Variants in CSMD1 observed in about 807,000 individuals in gnomAD.
CSMD1 encodes the protein CUB and Sushi multiple domains 1.
A neutral mutation model predicts 417.5 loss-of-function variants in CSMD1; 213 were observed. That is an observed-to-expected ratio of 0.51 (90% CI 0.46 to 0.57). CSMD1 has a LOEUF of 0.57. CSMD1 is among the 20% of genes least tolerant of loss of function. CSMD1 has a pLI of 0.00. For synonymous variants in CSMD1, 2,862 were observed against 1,736.8 expected, an observed-to-expected ratio of 1.65 and a Z score of -16.11; for missense variants, 6,923 against 4,529.7, an observed-to-expected ratio of 1.53 and a Z score of -15.17.
intron 3 of CSMD1, among the ~76,000 whole-genome samples, chr8:4,107,351 C>A (rs985250800): frequency 6.6e-6 from 1 of 152,210 alleles, no homozygotes. Context: ...AAGCTCCTTA[C>A]AAAGCCACCT....
At chr8:4,481,985 T>C (rs946601740) in intron 2 of CSMD1, among the ~76,000 whole-genome samples, 1 of 152,144 alleles carries the variant, frequency 6.6e-6, no homozygotes, top group African/African-American at 2.4e-5. Flanking sequence ...TTATATAGGC[T>C]TTATCAGTAC....
At chr8:4,538,515 T>C (rs1228346398) in intron 2 of CSMD1, among the ~76,000 whole-genome samples, 1 of 151,928 alleles carries the variant, frequency 6.6e-6, no homozygotes, top group Non-Finnish European at 1.5e-5. Flanking sequence ...TGGTGGCAGG[T>C]GCCTGTAATC....
At chr8:4,074,428 C>A (rs566315521) in intron 3 of CSMD1, among the ~76,000 whole-genome samples, 2 of 152,102 alleles carry the variant, frequency 1.3e-5, no homozygotes, top group East Asian at 3.9e-4. Flanking sequence ...GTTTTTTGTA[C>A]ATGATTATTT....
At chr8:3,860,363 T>C (rs766339480) in intron 5 of CSMD1, among the ~76,000 whole-genome samples, 1 of 152,228 alleles carries the variant, frequency 6.6e-6, no homozygotes, top group Non-Finnish European at 1.5e-5. Context: ...AGTTCATTTT[T>C]ATTTTATGAT....
At chr8:4,692,520 C>A (rs190674769) in intron 1 of CSMD1, among the ~76,000 whole-genome samples, 1 of 151,962 alleles carries the variant, frequency 6.6e-6, no homozygotes, top group Non-Finnish European at 1.5e-5. Flanking sequence ...GACATAATGT[C>A]TGAGTTAAGG....
At chr8:3,168,949 A>G (rs1820411179) in intron 37 of CSMD1, among the ~76,000 whole-genome samples, 1 of 152,242 alleles carries the variant, frequency 6.6e-6, no homozygotes, top group Admixed American at 6.5e-5. Context: ...GGGGCTCACA[A>G]ATTATATTAG....
chr8:3,551,583 T>C (rs886709795), intron 10 of CSMD1, among the ~76,000 whole-genome samples: 5 of 103,854 alleles, frequency 4.8e-5, no homozygotes, highest in Non-Finnish European at 7.7e-5. Context: ...AATATGTATA[T>C]ATATATATAT....
At chr8:3,023,647 T>C (rs1185833835) in intron 51 of CSMD1, among the ~76,000 whole-genome samples, 1 of 151,998 alleles carries the variant, frequency 6.6e-6, no homozygotes, top group Non-Finnish European at 1.5e-5. Context: ...CACAAACCCT[T>C]CAAAAAGTGG....
At chr8:3,325,322 C>G (rs969003617) in intron 23 of CSMD1, among the ~76,000 whole-genome samples, 1 of 152,220 alleles carries the variant, frequency 6.6e-6, no homozygotes, top group Admixed American at 6.5e-5. Context: ...AATATTCTGT[C>G]ATCGCTCCTA....
intron 5 of CSMD1, among the ~76,000 whole-genome samples, chr8:3,952,985 A>G (rs561912749): frequency 6.7e-6 from 1 of 148,190 alleles, no homozygotes; most frequent in African/African-American, 2.5e-5. Flanking sequence ...CTATTTAAAA[A>G]TTAGAAAAAT....
intron 3 of CSMD1, among the ~76,000 whole-genome samples, chr8:4,084,809 T>G (rs1221200783): frequency 8.2e-6 from 1 of 122,390 alleles, no homozygotes. Flanking sequence ...TGAGCAAAAA[T>G]TCCAGTGCCT....
chr8:3,577,081 G>T (rs1014048), intron 9 of CSMD1, among the ~76,000 whole-genome samples: 3 of 151,880 alleles, frequency 2.0e-5, no homozygotes, highest in Non-Finnish European at 2.9e-5. Context: ...CTACTGACAA[G>T]GTGGGCTCAG....
rs1303440670 is a variant in CSMD1 at position 3,633,024 on chromosome 8, TACTA to T, written c.1010-16231_1010-16228del. The stretch of plus-strand genomic sequence containing the variant: ...AGATATGTTTCCTCAGTGAGTGTCC[TACTA>T]ACTGATACTTTTAGTGTTAGAGTCT... On this transcript the variant is annotated intron_variant, in intron 7 of 69. Coordinates refer to ENST00000635120, the MANE Select transcript of CSMD1 (RefSeq NM_033225.6). Among the ~76,000 whole-genome samples the T allele has an allele frequency of 3.3e-5, 5 of 152,368 alleles. No individual in the cohort carries two copies. The East Asian group carries it at 5.8e-4, about 18-fold the overall frequency.
intron 3 of CSMD1, among the ~76,000 whole-genome samples, chr8:4,282,369 CTCT>C (rs1303268821): frequency 3.9e-5 from 6 of 152,184 alleles, no homozygotes; most frequent in African/African-American, 9.6e-5. Context: ...CAAGAGGGCT[CTCT>C]TCTTCATTTT....
intron 1 of CSMD1, among the ~76,000 whole-genome samples, chr8:4,777,316 C>T (rs78581045): frequency 0.012 from 1,808 of 152,244 alleles, 85 homozygotes; most frequent in Admixed American, 0.087. Flanking sequence ...AACCAGAAAA[C>T]TGGGACTAGT....
chr8:4,162,340 G>T (rs1297321544), intron 3 of CSMD1, among the ~76,000 whole-genome samples: 7 of 152,136 alleles, frequency 4.6e-5, no homozygotes. Context: ...CAAAAGAAAA[G>T]TGCTTGTTTT....
intron 1 of CSMD1, among the ~76,000 whole-genome samples, chr8:4,843,804 C>G (rs993202530): frequency 6.6e-6 from 1 of 152,164 alleles, no homozygotes. Flanking sequence ...ACTGATACAA[C>G]GTAAAATAGA....
At chr8:3,533,415 G>T (rs542099001) in intron 10 of CSMD1, among the ~76,000 whole-genome samples, 193 of 152,168 alleles carry the variant, frequency 1.3e-3, no homozygotes, top group African/African-American at 4.5e-3. Flanking sequence ...TGATAACAGT[G>T]GTTTGACTCT....
chr8:3,905,514 C>G (rs571019624), intron 5 of CSMD1, among the ~76,000 whole-genome samples: 1 of 152,170 alleles, frequency 6.6e-6, no homozygotes, highest in Non-Finnish European at 1.5e-5. Context: ...CACCTGCTAC[C>G]CAGCGTTTCT....
Sources: allele counts gnomAD v4.1 joint callset (sites outside exome capture counted in the v4.1 genomes callset), GRCh38; gene constraint gnomAD v4.1.1; transcripts MANE v1.5; gene names NCBI Gene and HGNC (gene_info 2026-07-23, HGNC 2026-07-21).